Variants in BBOX1 observed in about 807,000 individuals in gnomAD.
BBOX1 encodes the protein gamma-butyrobetaine dioxygenase.
Under a neutral mutation model 41.6 loss-of-function variants are expected in BBOX1, and 35 were observed. That is an observed-to-expected ratio of 0.84 (90% CI 0.64 to 1.11). The LOEUF is 1.11. BBOX1 is among the 50% of genes most tolerant of loss of function. The pLI, the probability that BBOX1 is intolerant of heterozygous loss-of-function variation, is 0.00. For missense variants in BBOX1, 458 were observed against 460.6 expected, an observed-to-expected ratio of 0.99 and a Z score of 0.05; for synonymous variants, 163 against 154.7, an observed-to-expected ratio of 1.05 and a Z score of -0.40.
chr11:27,083,493 G>T (rs1857927111), intron 4 of BBOX1, among the ~76,000 whole-genome samples: 1 of 151,860 alleles, frequency 6.6e-6, no homozygotes, highest in Admixed American at 6.6e-5. Flanking sequence ...TCTTCCCACT[G>T]TCCCTCCTAC....
intron 4 of BBOX1, among the ~76,000 whole-genome samples, chr11:27,077,904 GCA>G (rs1185965244): frequency 6.6e-6 from 1 of 151,966 alleles, no homozygotes; most frequent in Non-Finnish European, 1.5e-5. Context: ...TCCATACCCA[GCA>G]TGCACAATTC....
chr11:27,127,702 CAT>C lies in BBOX1; in HGVS notation c.*254_*255del, dbSNP rs1859715555. 7.5e-6 allele frequency: 3 copies of C among 397,564 alleles called. No individual in the cohort carries two copies. The highest frequency in any genetic ancestry group is 8.5e-5 in the South Asian group (2 of 23,488). 24.6% of individuals were successfully genotyped at this position (397,564 alleles called of 1,614,324 possible). A position where few individuals can be genotyped will look rare whatever the true frequency, so the allele number is the denominator to read the frequency against. On this transcript the variant is annotated 3_prime_UTR_variant, in exon 9 of 9. Transcript: ENST00000263182. ...CATGCCTGCTCTAATTTCTTTTGCC[CAT>C]ATATGAGTATCTCCAGAATGTCTAC...
At chr11:27,085,739 A>G in intron 4 of BBOX1, among the ~76,000 whole-genome samples, 1 of 152,130 alleles carries the variant, frequency 6.6e-6, no homozygotes, top group Middle Eastern at 3.2e-3. Context: ...ACGTTTAGTG[A>G]GAAAGGCATG....
chr11:27,115,826 T>C (rs1859239926), intron 6 of BBOX1, among the ~76,000 whole-genome samples: 1 of 151,936 alleles, frequency 6.6e-6, no homozygotes, highest in Non-Finnish European at 1.5e-5. Flanking sequence ...TTAGCATTTT[T>C]TGCTTTGCCA....
intron 2 of BBOX1, among the ~76,000 whole-genome samples, chr11:27,049,072 T>G (rs1851586108): frequency 6.6e-6 from 1 of 151,944 alleles, no homozygotes; most frequent in African/African-American, 2.4e-5. Flanking sequence ...ACAAAAGACA[T>G]GAACTCATCA....
intron 3 of BBOX1, among the ~76,000 whole-genome samples, chr11:27,056,419 G>A (rs1392837105): frequency 2.0e-5 from 3 of 151,908 alleles, no homozygotes; most frequent in South Asian, 2.1e-4. Flanking sequence ...CACCATGCCC[G>A]GCTAATTTTT....
intron 7 of BBOX1, among the ~76,000 whole-genome samples, chr11:27,125,050 T>C (rs1859602463): frequency 6.6e-6 from 1 of 152,138 alleles, no homozygotes; most frequent in Admixed American, 6.5e-5. Flanking sequence ...GAATACAACA[T>C]TAAATGAGAT....
rs1554935065 is a variant in BBOX1, at chr11:27,054,232, T to TGC, written c.-38-1160_-38-1159insCG. Among the ~76,000 whole-genome samples, 796 of 150,800 alleles carry TGC rather than the reference T, an allele frequency of 5.3e-3. 1 individual carries two copies. Among genetic ancestry groups the TGC allele is most frequent in the Admixed American group, 6.9e-3 (105 of 15,132 alleles). On this transcript the variant is annotated intron_variant, in intron 2 of 8. Transcript: ENST00000263182. ...GTGTGTGTGTGTGTGTGTGTGTGTGTGTGCGTGCACATGTGTACATGCATT... is the reference window on the plus strand; with the variant it reads ...GTGTGTGTGTGTGTGTGTGTGTGTGTGCGTGCGTGCACATGTGTACATGCATT...
chr11:27,045,995 T>C (rs1298256431), intron 2 of BBOX1, among the ~76,000 whole-genome samples: 1 of 152,176 alleles, frequency 6.6e-6, no homozygotes, highest in East Asian at 1.9e-4. Context: ...TTAATACATA[T>C]AAACTTAGCT....
chr11:27,103,976 T>C (rs1858763678), intron 5 of BBOX1, among the ~76,000 whole-genome samples: 1 of 152,190 alleles, frequency 6.6e-6, no homozygotes. Context: ...GTTTCAAAAC[T>C]GGCTAACAGC....
At chr11:27,055,256 C>A in intron 2 of BBOX1, 137 bp from the exon 3 acceptor site, 1 of 570,440 alleles carries the variant, frequency 1.8e-6, no homozygotes, top group Non-Finnish European at 3.1e-6. Flanking sequence ...AAGGTCCCAG[C>A]GTCAATAAGT....
chr11:27,055,361 C>T (rs1856945316), intron 2 of BBOX1, 32 bp from the exon 3 acceptor site: 2 of 1,497,392 alleles, frequency 1.3e-6, no homozygotes, highest in Non-Finnish European at 1.8e-6. Context: ...TCTTATCTGC[C>T]TGAGATTCCT....
At chr11:27,067,178 A>T (rs577940462) in intron 4 of BBOX1, among the ~76,000 whole-genome samples, 1 of 151,288 alleles carries the variant, frequency 6.6e-6, no homozygotes, top group Non-Finnish European at 1.5e-5. Context: ...ATAGACAGCA[A>T]CTCTGAGAGT....
chr11:27,126,994 G>T (rs970163886), intron 8 of BBOX1, among the ~76,000 whole-genome samples: 36 of 152,236 alleles, frequency 2.4e-4, no homozygotes, highest in African/African-American at 7.7e-4. Flanking sequence ...TTCTAATGAG[G>T]TATCGATCAG....
intron 3 of BBOX1, 105 bp from the exon 4 acceptor site, chr11:27,057,096 C>CCTA (rs1554935645): frequency 5.4e-6 from 2 of 367,710 alleles, no homozygotes; most frequent in Middle Eastern, 4.3e-4. Flanking sequence ...TTAAGCAAAG[C>CCTA]ATAATTGGAT....
At chr11:27,075,135 G>A (rs1027028799) in intron 4 of BBOX1, among the ~76,000 whole-genome samples, 14 of 152,056 alleles carry the variant, frequency 9.2e-5, no homozygotes, top group Non-Finnish European at 2.1e-4. Context: ...TTATTTGACT[G>A]TTTTATTTCT....
chr11:27,068,090 C>G (rs1171700068), intron 4 of BBOX1, among the ~76,000 whole-genome samples: 1 of 151,978 alleles, frequency 6.6e-6, no homozygotes. Context: ...GGGGTAGATA[C>G]CCAGTAGTGG....
chr11:27,073,810 G>A (rs1351556213), intron 4 of BBOX1, among the ~76,000 whole-genome samples: 1 of 151,906 alleles, frequency 6.6e-6, no homozygotes, highest in African/African-American at 2.4e-5. Context: ...ACTATCACAA[G>A]GACAAAAAAC....
chr11:27,075,931 G>A (rs1941503772), intron 4 of BBOX1, among the ~76,000 whole-genome samples: 1 of 152,192 alleles, frequency 6.6e-6, no homozygotes, highest in Non-Finnish European at 1.5e-5. Flanking sequence ...GACAGTTGGG[G>A]CAGAGCTGCA....
Sources: allele counts gnomAD v4.1 joint callset (sites outside exome capture counted in the v4.1 genomes callset), GRCh38; gene constraint gnomAD v4.1.1; transcripts MANE v1.5; gene names NCBI Gene and HGNC (gene_info 2026-07-23, HGNC 2026-07-21).